Variants in TMCC1 observed in about 807,000 individuals in gnomAD.
TMCC1 encodes the protein transmembrane and coiled-coil domain family 1, also known as transmembrane and coiled-coil domains protein 1.
A neutral mutation model predicts 52.4 loss-of-function variants in TMCC1; 15 were observed. That is an observed-to-expected ratio of 0.29 (90% CI 0.19 to 0.44). TMCC1 has a LOEUF of 0.44. Ranked by LOEUF, TMCC1 falls within the 20% of genes least tolerant of loss-of-function variation. The probability of loss-of-function intolerance (pLI) is 1.00; values close to 1 mark genes in which losing one functional copy is unlikely to be tolerated. For missense variants in TMCC1, 503 were observed against 806.0 expected, an observed-to-expected ratio of 0.62 and a Z score of 4.55; for synonymous variants, 279 against 301.9, an observed-to-expected ratio of 0.92 and a Z score of 0.79.
intron 2 of TMCC1, among the ~76,000 whole-genome samples, chr3:129,870,244 A>AT (rs995218955): frequency 2.6e-5 from 4 of 151,954 alleles, no homozygotes; most frequent in Non-Finnish European, 4.4e-5. Context: ...CAAACATTTC[A>AT]TTTTTTTCTC....
chr3:129,727,687 A>C (rs903777630), intron 4 of TMCC1, among the ~76,000 whole-genome samples: 6 of 152,172 alleles, frequency 3.9e-5, no homozygotes, highest in African/African-American at 1.4e-4. Flanking sequence ...TTACAACAAA[A>C]ATAAAACAAA....
At chr3:129,871,085 G>A (rs1036564213) in intron 2 of TMCC1, among the ~76,000 whole-genome samples, 3 of 151,960 alleles carry the variant, frequency 2.0e-5, no homozygotes, top group South Asian at 2.1e-4. Flanking sequence ...TTGCCTGGGC[G>A]CGGTGGCTCA....
intron 2 of TMCC1, among the ~76,000 whole-genome samples, chr3:129,859,463 C>T (rs1404156819): frequency 6.6e-6 from 1 of 151,914 alleles, no homozygotes; most frequent in Non-Finnish European, 1.5e-5. Flanking sequence ...ATAGCAAGAC[C>T]CCATCTCTAT....
chr3:129,748,228 C>T (rs1331287135), intron 4 of TMCC1, among the ~76,000 whole-genome samples: 2 of 152,182 alleles, frequency 1.3e-5, no homozygotes, highest in Non-Finnish European at 2.9e-5. Context: ...CATGCCACTT[C>T]CCTGGTATCT....
At chr3:129,885,963 G>A (rs962559728) in intron 1 of TMCC1, among the ~76,000 whole-genome samples, 10 of 152,016 alleles carry the variant, frequency 6.6e-5, no homozygotes, top group African/African-American at 2.4e-4. Flanking sequence ...GGATGGTCTC[G>A]ATCTCTTGAC....
intron 4 of TMCC1, among the ~76,000 whole-genome samples, chr3:129,717,972 G>C (rs927855040): frequency 1.3e-5 from 2 of 152,092 alleles, no homozygotes; most frequent in Non-Finnish European, 2.9e-5. Context: ...ACAAAGGTCT[G>C]AACTACATGG....
intron 4 of TMCC1, among the ~76,000 whole-genome samples, chr3:129,793,281 T>A (rs2056598737): frequency 6.6e-6 from 1 of 152,126 alleles, no homozygotes; most frequent in South Asian, 2.1e-4. Flanking sequence ...AAACTATGCA[T>A]ATGTGACACA....
chr3:129,670,470 T>C lies in TMCC1; in HGVS notation c.1371A>G (p.Ser457=). The change falls in exon 5 of 7, where the codon TCA becomes TCG. Residue 457 remains serine (S), a synonymous_variant. Transcript: ENST00000393238. ...TCTCATGTAGTAGTGCATCAAATCC[T>C]GAGCTCTGCATGTCCAGGGTGTTTG... is the stretch of plus-strand genomic sequence containing the variant. ...SKTNTLDMQS[S]GFDALLHEIQ... 6.2e-7 allele frequency: 1 copy of C among 1,614,198 alleles called. No homozygotes were observed. Among genetic ancestry groups the C allele is most frequent in the South Asian group, 1.1e-5 (1 of 91,082 alleles).
chr3:129,704,308 C>T (rs1481871521), intron 4 of TMCC1, among the ~76,000 whole-genome samples: 1 of 152,200 alleles, frequency 6.6e-6, no homozygotes. Context: ...AGAGACAGTT[C>T]TATAACCTGG....
intron 3 of TMCC1, among the ~76,000 whole-genome samples, chr3:129,829,511 T>C (rs1254064905): frequency 6.9e-6 from 1 of 145,754 alleles, no homozygotes; most frequent in Non-Finnish European, 1.5e-5. Context: ...TTTTTCCTAA[T>C]AGAAAGTGTT....
chr3:129,788,670 G>A (rs1339566028), intron 4 of TMCC1, among the ~76,000 whole-genome samples: 2 of 151,584 alleles, frequency 1.3e-5, no homozygotes, highest in East Asian at 3.9e-4. Flanking sequence ...GGGTTTCACC[G>A]TGTTAGCCAG....
At chr3:129,850,738 A>G (rs888548328) in intron 2 of TMCC1, among the ~76,000 whole-genome samples, 84 of 152,262 alleles carry the variant, frequency 5.5e-4, no homozygotes, top group African/African-American at 2.0e-3. Context: ...CCCCGAACAG[A>G]GATTTAGCCA....
Position 129,670,400 on chromosome 3 carries a change from C to G in TMCC1, c.1441G>C (p.Glu481Gln). ...CTCTGATAATGTTCCTTGAGAGTCT[C>G]AAAGGATTCCTCTAGTCTGGCCTGG... is the stretch of plus-strand genomic sequence containing the variant. ...ETQARLEESF[E>Q]TLKEHYQRDY... The change falls in exon 5 of 7, where the codon GAG becomes CAG. Residue 481 changes from glutamate to glutamine, a missense_variant. By Grantham distance (29) the Glu-to-Gln change is conservative. Around this residue, in one of 7 missense-constraint regions of TMCC1, gnomAD observed 121 missense variants for 193.6 expected, o/e 0.62. Coordinates refer to ENST00000393238, the MANE Select transcript of TMCC1 (RefSeq NM_001017395.5). The G allele has an allele frequency of 6.2e-7, 1 of 1,614,168 alleles. No individual in the cohort carries two copies. Among genetic ancestry groups the G allele is most frequent in the Non-Finnish European group, 8.5e-7 (1 of 1,180,020 alleles).
intron 2 of TMCC1, among the ~76,000 whole-genome samples, chr3:129,879,433 G>A (rs1457535188): frequency 6.6e-6 from 1 of 151,786 alleles, no homozygotes; most frequent in Non-Finnish European, 1.5e-5. Flanking sequence ...AGAACAAGAC[G>A]TTGTCTTAAA....
chr3:129,681,601 G>A (rs1375377982), intron 4 of TMCC1, among the ~76,000 whole-genome samples: 1 of 151,980 alleles, frequency 6.6e-6, no homozygotes, highest in African/African-American at 2.4e-5. Flanking sequence ...CTAGAACACA[G>A]TGCCAATAGA....
rs1339083342 is a variant in TMCC1 at position 129,828,521 on chromosome 3, A to G, written c.-130-13T>C. 1.6e-6 allele frequency: 1 copy of G among 620,626 alleles called. No individual in the cohort carries two copies. The highest frequency in any genetic ancestry group is 2.7e-6 in the Non-Finnish European group (1 of 371,378). The allele number at this position is 620,626 out of a possible 1,614,324, so 38.4% of individuals were successfully genotyped here. A position where few individuals can be genotyped will look rare whatever the true frequency, so the allele number is the denominator to read the frequency against. On this transcript the variant is annotated splice_polypyrimidine_tract_variant and intron_variant, in intron 3 of 6. Coordinates refer to ENST00000393238, the MANE Select transcript of TMCC1 (RefSeq NM_001017395.5). This position sits in a 1 kb window ranked among gnomAD's most constrained non-coding sequence, Gnocchi z 4.1. ...GCTTCATGCCTATCTAATGTTAAAA[A>G]CAAAAAAACAAAAAAACAAAAAAAA...
chr3:129,695,628 G>A (rs2047361558), intron 4 of TMCC1, among the ~76,000 whole-genome samples: 1 of 152,090 alleles, frequency 6.6e-6, no homozygotes, highest in Non-Finnish European at 1.5e-5. Flanking sequence ...AACAGCATGA[G>A]GGTAACTGGC....
chr3:129,834,368 A>AT (rs965938245), intron 2 of TMCC1, among the ~76,000 whole-genome samples: 5 of 152,154 alleles, frequency 3.3e-5, no homozygotes, highest in Non-Finnish European at 5.9e-5. Context: ...ATGTTAGGTA[A>AT]TTATTGAGTA....
intron 4 of TMCC1, among the ~76,000 whole-genome samples, chr3:129,804,436 A>C (rs1318937717): frequency 1.3e-5 from 2 of 152,148 alleles, no homozygotes; most frequent in Admixed American, 6.5e-5. Context: ...TTTTACCTCC[A>C]TTAGGCCTCC....
Sources: allele counts gnomAD v4.1 joint callset (sites outside exome capture counted in the v4.1 genomes callset), GRCh38; gene constraint gnomAD v4.1.1; regional missense constraint gnomAD v4.1.1; non-coding constraint Gnocchi (gnomAD v3.1); transcripts MANE v1.5; gene names NCBI Gene and HGNC (gene_info 2026-07-23, HGNC 2026-07-21).